CEP128: variants seen among roughly 807,000 people sequenced by gnomAD.
CEP128 encodes centrosomal protein 128, also known as centrosomal protein 128kDa.
A neutral mutation model predicts 156.7 loss-of-function variants in CEP128; 132 were observed. That is an observed-to-expected ratio of 0.84 (90% CI 0.73 to 0.97). CEP128 has a LOEUF of 0.97. CEP128 is among the 50% of genes least tolerant of loss of function. The pLI, the probability that CEP128 is intolerant of heterozygous loss-of-function variation, is 0.00. For synonymous variants in CEP128, 469 were observed against 448.9 expected (o/e 1.04, Z -0.57); for missense variants, 1,252 against 1,281.9 (o/e 0.98, Z 0.36).
intron 13 of CEP128, among the ~76,000 whole-genome samples, chr14:80,812,044 T>C (rs1164689101): frequency 6.6e-6 from 1 of 152,202 alleles, no homozygotes; most frequent in African/African-American, 2.4e-5. Flanking sequence ...CAGTCCTCAC[T>C]CTACTATCAC....
intron 8 of CEP128, among the ~76,000 whole-genome samples, chr14:80,881,356 C>T (rs1888544272): frequency 2.0e-5 from 3 of 151,968 alleles, no homozygotes; most frequent in Admixed American, 6.6e-5. Flanking sequence ...ACAGACACAA[C>T]CTACAAAGAT....
chr14:80,637,519 G>A (rs1331254378), intron 19 of CEP128, among the ~76,000 whole-genome samples: 1 of 152,144 alleles, frequency 6.6e-6, no homozygotes, highest in African/African-American at 2.4e-5. Flanking sequence ...GCCTACCAAT[G>A]TATCCATTGC....
intron 8 of CEP128, among the ~76,000 whole-genome samples, chr14:80,886,377 A>C (rs1888800051): frequency 6.6e-6 from 1 of 152,228 alleles, no homozygotes; most frequent in Non-Finnish European, 1.5e-5. Context: ...GAGCAGCCAG[A>C]GAGAAAGGTC....
chr14:80,796,258 A>G (rs563170494), intron 13 of CEP128, among the ~76,000 whole-genome samples: 30 of 152,272 alleles, frequency 2.0e-4, no homozygotes, highest in African/African-American at 7.2e-4. Context: ...CAGGAGTTCG[A>G]GATTAGCCTG....
At chr14:80,705,235 T>C (rs1172708033) in intron 19 of CEP128, among the ~76,000 whole-genome samples, 1 of 152,064 alleles carries the variant, frequency 6.6e-6, no homozygotes, top group Non-Finnish European at 1.5e-5. Context: ...ATAGGCCTCT[T>C]AAATCCCTTT....
In CEP128 at chr14:80,777,989, A is replaced by G. The variant is rs752087409; in HGVS notation, c.2269T>C (p.Leu757=). The change falls in exon 16 of 25, where the codon TTG becomes CTG. Residue 757 remains leucine (L), a synonymous_variant. Coordinates refer to ENST00000555265, the MANE Select transcript of CEP128 (RefSeq NM_152446.5). ...AKIHRGQLEK[L]KSQCDRLTEE... ...GTCAGTCTGTCACACTGTGATTTCAACTTCTCCAGCTGACCACGATGAATT... is the reference window on the plus strand; with the variant it reads ...GTCAGTCTGTCACACTGTGATTTCAGCTTCTCCAGCTGACCACGATGAATT... The G allele has an allele frequency of 2.5e-6, 4 of 1,613,594 alleles. No individual in the cohort carries two copies. Among genetic ancestry groups the G allele is most frequent in the Admixed American group, 1.7e-5 (1 of 60,016 alleles).
chr14:80,932,525 C>T (rs1279154411), intron 2 of CEP128, among the ~76,000 whole-genome samples: 1 of 152,116 alleles, frequency 6.6e-6, no homozygotes, highest in Non-Finnish European at 1.5e-5. Context: ...TTTCCAACAT[C>T]TTATCTTTGT....
At chr14:80,819,400 C>A (rs574190260) in intron 13 of CEP128, among the ~76,000 whole-genome samples, 1 of 152,118 alleles carries the variant, frequency 6.6e-6, no homozygotes, top group African/African-American at 2.4e-5. Context: ...GTGCTTGCCA[C>A]CACGCCCGGC....
intron 19 of CEP128, among the ~76,000 whole-genome samples, chr14:80,682,998 C>A (rs1236480332): frequency 1.3e-5 from 2 of 152,068 alleles, no homozygotes; most frequent in African/African-American, 4.8e-5. Flanking sequence ...CCCCACCAAA[C>A]ACACACGTAC....
chr14:80,575,818 T>C (rs763149344), intron 20 of CEP128, among the ~76,000 whole-genome samples: 25 of 152,172 alleles, frequency 1.6e-4, no homozygotes, highest in Non-Finnish European at 2.9e-4. Flanking sequence ...AATGGCTTAG[T>C]ATGAAAGGAA....
At chr14:80,566,171 C>T (rs1448361935) in intron 20 of CEP128, among the ~76,000 whole-genome samples, 1 of 152,136 alleles carries the variant, frequency 6.6e-6, no homozygotes, top group East Asian at 1.9e-4. Context: ...CTCAACTTCA[C>T]CCAAAGAGAC....
chr14:80,519,768 A>G lies in CEP128; in HGVS notation c.3072+7101T>C, dbSNP rs145928563. Among the ~76,000 whole-genome samples, 1,079 of 152,270 alleles carry G rather than the reference A, an allele frequency of 7.1e-3. 19 individuals are homozygous for G. Among genetic ancestry groups the G allele is most frequent in the African/African-American group, 0.025 (1,020 of 41,554 alleles). ...AGGCTATGATTGTCTCCATCTACCC[A>G]TCTTTCCATCTACTCATTTTTCCAT... On this transcript the variant is annotated intron_variant, in intron 23 of 24. Coordinates refer to ENST00000555265, the MANE Select transcript of CEP128 (RefSeq NM_152446.5).
intron 19 of CEP128, among the ~76,000 whole-genome samples, chr14:80,586,002 C>A (rs1891804574): frequency 6.6e-6 from 1 of 152,100 alleles, no homozygotes; most frequent in African/African-American, 2.4e-5. Flanking sequence ...TAGCTACATG[C>A]CAGAGATAAC....
intron 21 of CEP128, among the ~76,000 whole-genome samples, chr14:80,540,376 T>C (rs1043785315): frequency 4.6e-5 from 7 of 152,098 alleles, no homozygotes; most frequent in Non-Finnish European, 1.0e-4. Flanking sequence ...AGAACCTACT[T>C]TGAAATAATG....
chr14:80,661,044 T>G (rs1895380049), intron 19 of CEP128, among the ~76,000 whole-genome samples: 2 of 152,184 alleles, frequency 1.3e-5, no homozygotes, highest in Non-Finnish European at 2.9e-5. Context: ...GCCAATACAG[T>G]GCTACATAGT....
chr14:80,574,659 T>C (rs916787016), intron 20 of CEP128, among the ~76,000 whole-genome samples: 1 of 152,212 alleles, frequency 6.6e-6, no homozygotes, highest in African/African-American at 2.4e-5. Context: ...TATTAATATT[T>C]ATTACACTTG....
chr14:80,838,389 T>C lies in CEP128; in HGVS notation c.850-111A>G, dbSNP rs963527177. On this transcript the variant is annotated intron_variant, in intron 10 of 24. Transcript: ENST00000555265. ...AGTGGAAAAGTTTTCAGAAGACATT[T>C]ACAGCTAATATAAAAGAATAAATAT... The C allele has an allele frequency of 5.9e-6, 4 of 679,932 alleles. No homozygotes were observed. The African/African-American group carries it at 7.2e-5, about 12-fold the overall frequency. 42.1% of individuals were successfully genotyped at this position (679,932 alleles called of 1,614,324 possible). A position where few individuals can be genotyped will look rare whatever the true frequency, so the allele number is the denominator to read the frequency against.
chr14:80,719,697 G>A (rs950130680), intron 19 of CEP128, among the ~76,000 whole-genome samples: 45 of 152,050 alleles, frequency 3.0e-4, no homozygotes, highest in African/African-American at 1.1e-3. Context: ...ACCCCAATGA[G>A]TTTTTATTAC....
chr14:80,912,579 A>G (rs902735814), intron 4 of CEP128, among the ~76,000 whole-genome samples: 15 of 152,220 alleles, frequency 9.9e-5, no homozygotes, highest in Admixed American at 9.8e-4. Context: ...CTGCCCAAAT[A>G]TAACAAAGTC....
Sources: gnomAD v4.1 joint callset for allele counts (sites outside exome capture counted in the v4.1 genomes callset) on GRCh38, gnomAD v4.1.1 for gene constraint, MANE v1.5 for transcripts, NCBI Gene and HGNC (gene_info 2026-07-23, HGNC 2026-07-21) for gene names.